The following EPHA5 variants were observed in gnomAD, a reference collection of about 807,000 sequenced individuals.
EPHA5 encodes EPH receptor A5.
In EPHA5, 60 loss-of-function variants were observed where a neutral mutation model predicts 105.0. That is an observed-to-expected ratio of 0.57 (90% CI 0.46 to 0.71). EPHA5 has a LOEUF of 0.71. Ranked by LOEUF, EPHA5 falls within the 30% of genes least tolerant of loss-of-function variation. The probability of loss-of-function intolerance (pLI) is 0.00; values close to 1 mark genes in which losing one functional copy is unlikely to be tolerated. For missense variants in EPHA5, 1,218 were observed against 1,274.7 expected (o/e 0.96, Z 0.68); for synonymous variants, 513 against 449.1 (o/e 1.14, Z -1.80).
At chr4:65,391,948 G>A (rs1039690933) in intron 8 of EPHA5, among the ~76,000 whole-genome samples, 1 of 152,004 alleles carries the variant, frequency 6.6e-6, no homozygotes, top group Non-Finnish European at 1.5e-5. Context: ...TCTTTCAAAT[G>A]TTTGCCTCAA....
intron 1 of EPHA5, among the ~76,000 whole-genome samples, chr4:65,649,651 A>G (rs1270159997): frequency 6.6e-6 from 1 of 152,138 alleles, no homozygotes; most frequent in Non-Finnish European, 1.5e-5. Flanking sequence ...CCTATCTATT[A>G]TTTCCTCATA....
chr4:65,601,132 T>C (rs900503453), intron 3 of EPHA5, among the ~76,000 whole-genome samples: 2 of 152,222 alleles, frequency 1.3e-5, no homozygotes, highest in African/African-American at 4.8e-5. Flanking sequence ...AGTAAACTAA[T>C]CCTGTCAGTT....
At chr4:65,557,313 T>C (rs927106109) in intron 3 of EPHA5, among the ~76,000 whole-genome samples, 1 of 147,346 alleles carries the variant, frequency 6.8e-6, no homozygotes, top group Non-Finnish European at 1.5e-5. Flanking sequence ...CACATATACA[T>C]TGGGAATCTT....
At chr4:65,525,078 T>C (rs1028848330) in intron 3 of EPHA5, among the ~76,000 whole-genome samples, 3 of 151,810 alleles carry the variant, frequency 2.0e-5, no homozygotes, top group African/African-American at 7.2e-5. Flanking sequence ...GTATATCTCA[T>C]GCCTTAAGAA....
intron 14 of EPHA5, among the ~76,000 whole-genome samples, chr4:65,346,177 T>G (rs1722211582): frequency 1.3e-5 from 2 of 152,004 alleles, no homozygotes; most frequent in Admixed American, 1.3e-4. Context: ...CCAATGTATC[T>G]TGCCAAATCT....
chr4:65,474,352 C>T (rs915839661), intron 5 of EPHA5, among the ~76,000 whole-genome samples: 2 of 152,032 alleles, frequency 1.3e-5, no homozygotes, highest in East Asian at 1.9e-4. Flanking sequence ...AAATCATATA[C>T]ATTAAATAGG....
In EPHA5 at chr4:65,564,524, T is replaced by G. The variant is rs535225200; in HGVS notation, c.910+37117A>C. On this transcript the variant is annotated intron_variant, in intron 3 of 16. Transcript: ENST00000613740. Reference sequence around the variant, plus strand: ...GAATATATTGTGACTTTGTTTTTATTGTATCATTTTATAAGCATATGTGCG... The same window carrying G: ...GAATATATTGTGACTTTGTTTTTATGGTATCATTTTATAAGCATATGTGCG... Among the ~76,000 whole-genome samples, 4 of 151,912 alleles carry G rather than the reference T, an allele frequency of 2.6e-5. No individual in the cohort carries two copies. In the South Asian group the frequency reaches 8.3e-4, roughly 31 times the overall value.
chr4:65,447,468 CAT>C (rs775714791), intron 5 of EPHA5, among the ~76,000 whole-genome samples: 14 of 149,080 alleles, frequency 9.4e-5, no homozygotes, highest in East Asian at 1.9e-4. Context: ...ATTAGAAACA[CAT>C]ATATATATAT....
At chr4:65,577,285 T>C (rs1741154222) in intron 3 of EPHA5, among the ~76,000 whole-genome samples, 2 of 152,164 alleles carry the variant, frequency 1.3e-5, no homozygotes, top group South Asian at 4.1e-4. Flanking sequence ...TAAAATGTCT[T>C]TTCTACCTAT....
intron 3 of EPHA5, among the ~76,000 whole-genome samples, chr4:65,522,316 G>GTGTATATATATATATATATATATATATA (rs777066757): frequency 1.4e-5 from 2 of 142,860 alleles, no homozygotes; most frequent in African/African-American, 5.4e-5. Flanking sequence ...ATATATATAT[G>GTGTATATATATATATATATATATATATA]TATATATATA....
chr4:65,580,757 A>G (rs192919057), intron 3 of EPHA5, among the ~76,000 whole-genome samples: 66 of 150,874 alleles, frequency 4.4e-4, no homozygotes, highest in African/African-American at 1.6e-3. Flanking sequence ...CAGCCTGGAG[A>G]TGGCACCAAA....
chr4:65,351,395 G>A lies in EPHA5; in HGVS notation c.2439C>T (p.Thr813=), dbSNP rs371238908. 68 of 1,613,370 alleles carry A rather than the reference G, an allele frequency of 4.2e-5. No individual in the cohort carries two copies. The highest frequency in any genetic ancestry group is 5.6e-5 in the Non-Finnish European group (66 of 1,179,626). Reference sequence around the variant, plus strand: ...GCACTCTGTTAGATCTTACCCTTGTGGTGTAGGCTGCCTCGGGATCATCTT... The same window carrying A: ...GCACTCTGTTAGATCTTACCCTTGTAGTGTAGGCTGCCTCGGGATCATCTT... ...VLEDDPEAAY[T]TRGGKIPIRW... is the part of the protein sequence containing the mutation. The change falls in exon 13 of 17, where the codon ACC becomes ACT. Residue 813 remains threonine, a synonymous_variant. Transcript: ENST00000613740.
At chr4:65,351,712 C>T (rs1577890280) in intron 12 of EPHA5, 114 bp from the exon 13 acceptor site, 1 of 847,568 alleles carries the variant, frequency 1.2e-6, no homozygotes, top group East Asian at 2.7e-5. Context: ...AATTCATATG[C>T]AATTTCTATC....
At chr4:65,484,915 T>C (rs988070306) in intron 5 of EPHA5, among the ~76,000 whole-genome samples, 10 of 152,044 alleles carry the variant, frequency 6.6e-5, no homozygotes, top group Admixed American at 2.6e-4. Flanking sequence ...GATAGATACA[T>C]TTCATAAGTC....
At chr4:65,585,084 C>A (rs561550657) in intron 3 of EPHA5, among the ~76,000 whole-genome samples, 2 of 150,708 alleles carry the variant, frequency 1.3e-5, no homozygotes, top group South Asian at 4.2e-4. Context: ...TTTTCACTAC[C>A]TGCATGCATG....
chr4:65,480,536 GA>G (rs1175944743), intron 5 of EPHA5, among the ~76,000 whole-genome samples: 2 of 151,842 alleles, frequency 1.3e-5, no homozygotes, highest in Non-Finnish European at 2.9e-5. Context: ...GAAAGTGAAG[GA>G]AAAAAACATG....
At chr4:65,331,405 G>T in intron 16 of EPHA5, 1 of 1,044,912 alleles carries the variant, frequency 9.6e-7, no homozygotes, top group Non-Finnish European at 1.2e-6. Flanking sequence ...GGCACAATTG[G>T]TTCCACTGAG....
At chr4:65,540,009 G>A (rs1187745513) in intron 3 of EPHA5, among the ~76,000 whole-genome samples, 2 of 151,388 alleles carry the variant, frequency 1.3e-5, no homozygotes, top group African/African-American at 4.8e-5. Flanking sequence ...ACAAAAAATA[G>A]GCAGTTATGT....
At chr4:65,461,429 T>C (rs1467400260) in intron 5 of EPHA5, among the ~76,000 whole-genome samples, 1 of 152,032 alleles carries the variant, frequency 6.6e-6, no homozygotes, top group African/African-American at 2.4e-5. Flanking sequence ...TGCCGTTCTC[T>C]TAAAGGACTT....
Sources: allele counts gnomAD v4.1 joint callset (sites outside exome capture counted in the v4.1 genomes callset), GRCh38; gene constraint gnomAD v4.1.1; transcripts MANE v1.5; gene names NCBI Gene and HGNC (gene_info 2026-07-23, HGNC 2026-07-21).